ENPP6: variants seen among roughly 807,000 people sequenced by gnomAD.
The protein encoded by ENPP6 is ectonucleotide pyrophosphatase/phosphodiesterase 6.
A neutral mutation model predicts 42.0 loss-of-function variants in ENPP6; 32 were observed. The ratio of observed to expected loss-of-function variants is 0.76; its 90% CI spans 0.58 to 1.02. The LOEUF (loss-of-function observed/expected upper bound fraction) is 1.02, where lower values mean the gene tolerates loss of function less well. Among genes scored for constraint, ENPP6 ranks in the 50% least tolerant of loss-of-function variants. The pLI, the probability that ENPP6 is intolerant of heterozygous loss-of-function variation, is 0.00. For synonymous variants in ENPP6, 213 were observed against 216.0 expected (o/e 0.99, Z 0.12); for missense variants, 552 against 566.8 (o/e 0.97, Z 0.27).
chr4:184,206,936 C>T lies in ENPP6; in HGVS notation c.241+10643G>A, dbSNP rs189935643. Among the ~76,000 whole-genome samples, 46 of 152,330 alleles carry T rather than the reference C, an allele frequency of 3.0e-4. 1 individual carries two copies. Among genetic ancestry groups the T allele is most frequent in the Admixed American group, 2.9e-3 (44 of 15,306 alleles). ...TCAGGTCACTCGCACAACCTTCTGGCCACTCTAAGATGCAGGCTTAGGCCC... is the reference window on the plus strand; with the variant it reads ...TCAGGTCACTCGCACAACCTTCTGGTCACTCTAAGATGCAGGCTTAGGCCC... On this transcript the variant is annotated intron_variant, in intron 1 of 7. Transcript: ENST00000296741.
chr4:184,149,177 G>A (rs778330099), intron 2 of ENPP6, among the ~76,000 whole-genome samples: 1 of 152,154 alleles, frequency 6.6e-6, no homozygotes, highest in Non-Finnish European at 1.5e-5. Flanking sequence ...GGTGTCACAT[G>A]CATAGAGGCC....
intron 2 of ENPP6, among the ~76,000 whole-genome samples, chr4:184,152,677 T>A (rs1737076075): frequency 6.6e-6 from 1 of 151,960 alleles, no homozygotes; most frequent in South Asian, 2.1e-4. Flanking sequence ...GGGAAGCGGG[T>A]TGTATTGTTA....
intron 6 of ENPP6, among the ~76,000 whole-genome samples, chr4:184,104,421 G>C (rs985115645): frequency 6.6e-6 from 1 of 152,244 alleles, no homozygotes; most frequent in Non-Finnish European, 1.5e-5. Flanking sequence ...TCCAGACCAT[G>C]TTCTACGATC....
intron 1 of ENPP6, among the ~76,000 whole-genome samples, chr4:184,162,617 G>A (rs1737285676): frequency 6.7e-6 from 1 of 149,594 alleles, no homozygotes; most frequent in African/African-American, 2.5e-5. Context: ...ATGACTGGAG[G>A]GGAATGAGCC....
chr4:184,098,500 C>A (rs1735948361), intron 6 of ENPP6, among the ~76,000 whole-genome samples: 1 of 152,208 alleles, frequency 6.6e-6, no homozygotes, highest in South Asian at 2.1e-4. Context: ...TCTGGCCCTG[C>A]CCTTGGGAGC....
intron 3 of ENPP6, among the ~76,000 whole-genome samples, chr4:184,119,001 T>C (rs1029129037): frequency 6.6e-6 from 1 of 152,210 alleles, no homozygotes; most frequent in East Asian, 1.9e-4. Context: ...TTTTTCTTAC[T>C]AAAGTGGCTG....
chr4:184,105,014 G>A (rs1026744006), intron 6 of ENPP6, among the ~76,000 whole-genome samples: 6 of 152,208 alleles, frequency 3.9e-5, no homozygotes, highest in Non-Finnish European at 7.3e-5. Flanking sequence ...AGGACAGGGA[G>A]GGATTGGCAC....
chr4:184,193,853 T>C (rs1189147978), intron 1 of ENPP6, among the ~76,000 whole-genome samples: 1 of 152,214 alleles, frequency 6.6e-6, no homozygotes, highest in Non-Finnish European at 1.5e-5. Context: ...ACTCTGCTGC[T>C]GAGGTACAAA....
At chr4:184,180,237 G>T (rs896130251) in intron 1 of ENPP6, among the ~76,000 whole-genome samples, 1 of 152,160 alleles carries the variant, frequency 6.6e-6, no homozygotes, top group Non-Finnish European at 1.5e-5. Context: ...ATACCCCTAT[G>T]CAAATAAACT....
At chr4:184,113,293 T>C (rs1490919807) in intron 5 of ENPP6, among the ~76,000 whole-genome samples, 1 of 152,252 alleles carries the variant, frequency 6.6e-6, no homozygotes, top group South Asian at 2.1e-4. Flanking sequence ...GGCAAAATTA[T>C]TCCAATTCTA....
intron 1 of ENPP6, among the ~76,000 whole-genome samples, chr4:184,208,360 G>A (rs1733036182): frequency 6.6e-6 from 1 of 152,188 alleles, no homozygotes; most frequent in African/African-American, 2.4e-5. Flanking sequence ...GCCAGACAGT[G>A]GGCGCAGGTC....
chr4:184,131,052 G>A (rs1270612758), intron 2 of ENPP6, among the ~76,000 whole-genome samples: 2 of 152,154 alleles, frequency 1.3e-5, no homozygotes, highest in Admixed American at 6.5e-5. Flanking sequence ...AGAAGAGCTC[G>A]ATTTGGGGAA....
At chr4:184,132,828 C>T (rs1560988110) in intron 2 of ENPP6, among the ~76,000 whole-genome samples, 20 of 14,672 alleles carry the variant, frequency 1.4e-3, no homozygotes, top group Middle Eastern at 0.042. Flanking sequence ...TACACACACA[C>T]ACACACATAT....
intron 1 of ENPP6, among the ~76,000 whole-genome samples, chr4:184,159,120 T>C (rs980034256): frequency 6.6e-6 from 1 of 152,236 alleles, no homozygotes; most frequent in African/African-American, 2.4e-5. Flanking sequence ...TTGCATTATC[T>C]CCGATTGTAT....
rs530503955 is a variant in ENPP6, at chr4:184,141,928, G to A, written c.421+11626C>T. 3.9e-5 allele frequency among the ~76,000 whole-genome samples: 6 copies of A among 152,072 alleles called. No homozygotes were observed. The East Asian group carries it at 9.6e-4, about 24-fold the overall frequency. ...TGCAAATCTGTAACGTCTACAATAC[G>A]GACGATGCCCCCCATAGATGTGGCA... On this transcript the variant is annotated intron_variant, in intron 2 of 7. Coordinates refer to ENST00000296741, the MANE Select transcript of ENPP6 (RefSeq NM_153343.4).
chr4:184,098,903 G>A (rs973883888), intron 6 of ENPP6, among the ~76,000 whole-genome samples: 9 of 152,146 alleles, frequency 5.9e-5, no homozygotes, highest in Non-Finnish European at 5.9e-5. Context: ...TTTGCTGGTC[G>A]TGATGAATGA....
At chr4:184,176,094 A>G (rs1453512104) in intron 1 of ENPP6, among the ~76,000 whole-genome samples, 2 of 152,108 alleles carry the variant, frequency 1.3e-5, no homozygotes, top group Non-Finnish European at 2.9e-5. Flanking sequence ...CTAGCCCAAA[A>G]TAATCTTAAA....
intron 2 of ENPP6, among the ~76,000 whole-genome samples, chr4:184,139,403 T>C (rs943136135): frequency 4.0e-5 from 6 of 151,000 alleles, no homozygotes; most frequent in African/African-American, 1.5e-4. Flanking sequence ...ATGTGCACAT[T>C]GTGCAGGTTA....
chr4:184,096,596 C>T (rs1292536342), intron 7 of ENPP6, among the ~76,000 whole-genome samples: 1 of 152,120 alleles, frequency 6.6e-6, no homozygotes, highest in Non-Finnish European at 1.5e-5. Context: ...AGGGATCCAT[C>T]TGTTAAATCA....
Sources: allele counts gnomAD v4.1 joint callset (sites outside exome capture counted in the v4.1 genomes callset), GRCh38; gene constraint gnomAD v4.1.1; transcripts MANE v1.5; gene names NCBI Gene and HGNC (gene_info 2026-07-23, HGNC 2026-07-21).